TACC2: variants seen among roughly 807,000 people sequenced by gnomAD.
TACC2 encodes the protein transforming acidic coiled-coil containing protein 2.
A neutral mutation model predicts 227.3 loss-of-function variants in TACC2; 137 were observed. The ratio of observed to expected loss-of-function variants is 0.60; its 90% CI spans 0.52 to 0.69. The LOEUF is 0.69. Ranked by LOEUF, TACC2 falls within the 30% of genes least tolerant of loss-of-function variation. TACC2 has a pLI of 0.00. For missense variants in TACC2, 3,470 were observed against 3,694.4 expected (o/e 0.94, Z 1.57); for synonymous variants, 1,523 against 1,487.5 (o/e 1.02, Z -0.55).
At chr10:122,248,454 G>A in intron 19 of TACC2, 189 bp from the exon 20 acceptor site, 1 of 652,614 alleles carries the variant, frequency 1.5e-6, no homozygotes, top group South Asian at 2.0e-5. Flanking sequence ...GGGAAGCCAG[G>A]GCTCTGGTTT....
chr10:122,216,537 C>A, intron 10 of TACC2, 90 bp from the exon 11 acceptor site: 1 of 1,356,132 alleles, frequency 7.4e-7, no homozygotes, highest in Non-Finnish European at 1.0e-6. Flanking sequence ...CGGGACCTGT[C>A]CTGGCTAATG....
rs1565248544 is a variant in TACC2, at chr10:122,084,473, G to A, written c.1973G>A (p.Gly658Asp). The change falls in exon 4 of 23, where the codon GGC becomes GAC. Residue 658 changes from glycine (G) to aspartate (D), a missense_variant. Around this residue, in one of 10 missense-constraint regions of TACC2, gnomAD observed 1,924 missense variants for 1,978.3 expected, o/e 0.97. Coordinates refer to ENST00000369005, the MANE Select transcript of TACC2 (RefSeq NM_206862.4). ...HSQTAEADASGLPHKLGEEDP... is the reference protein window; with the variant it reads ...HSQTAEADASDLPHKLGEEDP... Reference sequence around the variant, plus strand: ...CAGACAGCAGAGGCTGATGCATCTGGCCTACCACACAAGCTGGGTGAGGAG... The same window carrying A: ...CAGACAGCAGAGGCTGATGCATCTGACCTACCACACAAGCTGGGTGAGGAG... 1 of 1,613,086 alleles carries A rather than the reference G, an allele frequency of 6.2e-7. No homozygotes were observed. The highest frequency in any genetic ancestry group is 8.5e-7 in the Non-Finnish European group (1 of 1,180,004).
chr10:122,202,834 A>C (rs2094918833), intron 8 of TACC2, among the ~76,000 whole-genome samples: 1 of 150,738 alleles, frequency 6.6e-6, no homozygotes. Flanking sequence ...GTCCCTGGGT[A>C]CTTGAGATTA....
intron 5 of TACC2, among the ~76,000 whole-genome samples, chr10:122,128,668 T>C (rs1009522156): frequency 6.6e-6 from 1 of 152,246 alleles, no homozygotes. Flanking sequence ...TGGAAGTTGT[T>C]CCCTGGCACT....
At chr10:122,198,963 A>G (rs1384228104) in intron 8 of TACC2, among the ~76,000 whole-genome samples, 1 of 152,242 alleles carries the variant, frequency 6.6e-6, no homozygotes, top group Non-Finnish European at 1.5e-5. Flanking sequence ...TGGGGGCGAC[A>G]TGGCAGGAGA....
chr10:122,076,439 C>G lies in TACC2; in HGVS notation c.147-6208C>G, dbSNP rs79831729. ...GAAAACATTCATTCAATCCATTGCACTAACCCACTGGCTTTCATTCTACCC... is the reference window on the plus strand; with the variant it reads ...GAAAACATTCATTCAATCCATTGCAGTAACCCACTGGCTTTCATTCTACCC... On this transcript the variant is annotated intron_variant, in intron 3 of 22. Transcript: ENST00000369005. Among the ~76,000 whole-genome samples, 10 of 152,308 alleles carry G rather than the reference C, an allele frequency of 6.6e-5. No individual in the cohort carries two copies. In the East Asian group the frequency reaches 1.7e-3, roughly 26 times the overall value.
chr10:122,076,291 T>C (rs1218617355), intron 3 of TACC2, among the ~76,000 whole-genome samples: 1 of 152,196 alleles, frequency 6.6e-6, no homozygotes, highest in East Asian at 1.9e-4. Flanking sequence ...CAGTAATCCA[T>C]GAATGGATTA....
intron 3 of TACC2, among the ~76,000 whole-genome samples, chr10:122,076,112 G>A (rs554278317): frequency 2.0e-5 from 3 of 152,094 alleles, no homozygotes; most frequent in South Asian, 2.1e-4. Context: ...GATTTCTTAC[G>A]GTTATGGAGG....
chr10:122,187,426 C>T (rs1393480193), intron 7 of TACC2, among the ~76,000 whole-genome samples: 8 of 152,224 alleles, frequency 5.3e-5, no homozygotes. Flanking sequence ...GCAGCTTTGA[C>T]CAAGTAAAAT....
intron 7 of TACC2, among the ~76,000 whole-genome samples, chr10:122,192,280 T>A (rs1054371064): frequency 6.6e-6 from 1 of 152,154 alleles, no homozygotes; most frequent in Non-Finnish European, 1.5e-5. Context: ...CACAGGGCGA[T>A]CGTGAACGGC....
chr10:122,136,957 C>T (rs543377844), intron 6 of TACC2, among the ~76,000 whole-genome samples: 22 of 152,320 alleles, frequency 1.4e-4, no homozygotes, highest in Admixed American at 1.2e-3. Context: ...ACTCCTCCTT[C>T]CCTGTTGCCT....
At chr10:122,132,871 G>A in intron 6 of TACC2, 137 bp downstream of exon 6, 1 of 870,032 alleles carries the variant, frequency 1.1e-6, no homozygotes, top group Admixed American at 2.3e-5. Context: ...CACACACAGG[G>A]TGTGCACACC....
At chr10:122,060,010 A>T (rs980008685) in intron 3 of TACC2, among the ~76,000 whole-genome samples, 2 of 152,188 alleles carry the variant, frequency 1.3e-5, no homozygotes, top group African/African-American at 4.8e-5. Context: ...AGATGGCCAG[A>T]GAAGGAGGTG....
At chr10:122,176,211 A>G (rs1391982643) in intron 7 of TACC2, among the ~76,000 whole-genome samples, 1 of 151,362 alleles carries the variant, frequency 6.6e-6, no homozygotes, top group African/African-American at 2.4e-5. Context: ...GTGGCTGCAG[A>G]TGAAGATTGG....
intron 7 of TACC2, among the ~76,000 whole-genome samples, chr10:122,182,093 T>C (rs2093988719): frequency 1.3e-5 from 2 of 152,332 alleles, no homozygotes; most frequent in South Asian, 2.1e-4. Context: ...CAAATCATGA[T>C]TGAGACTCGT....
At chr10:122,252,420 A>G (rs2096269557) in intron 22 of TACC2, among the ~76,000 whole-genome samples, 2 of 151,612 alleles carry the variant, frequency 1.3e-5, no homozygotes, top group Non-Finnish European at 2.9e-5. Context: ...CACGGTGGGC[A>G]CTCCAATAAG....
chr10:122,026,124 C>T lies in TACC2; in HGVS notation c.33+4110C>T, dbSNP rs1957965646. On this transcript the variant is annotated intron_variant, in intron 2 of 22. Transcript: ENST00000369005. ...ATGAGGTCAGGAGATGGAGACCATCCTGGCTAACACGGTGAAACCCCGTCT... is the reference window on the plus strand; with the variant it reads ...ATGAGGTCAGGAGATGGAGACCATCTTGGCTAACACGGTGAAACCCCGTCT... Among the ~76,000 whole-genome samples, 3 of 146,206 alleles carry T rather than the reference C, an allele frequency of 2.1e-5. No homozygotes were observed. The Admixed American group carries it at 2.1e-4, about 10-fold the overall frequency.
intron 5 of TACC2, chr10:122,127,115 G>T: frequency 5.9e-6 from 1 of 168,452 alleles, no homozygotes; most frequent in South Asian, 1.7e-4. Context: ...CTGGTGCCTT[G>T]ATCTTGGACT....
intron 2 of TACC2, among the ~76,000 whole-genome samples, chr10:122,032,011 G>A (rs558226908): frequency 6.6e-6 from 1 of 152,228 alleles, no homozygotes; most frequent in South Asian, 2.1e-4. Context: ...CCTGGCCTCA[G>A]CCTTCTGATC....
Sources: gnomAD v4.1 joint callset for allele counts (sites outside exome capture counted in the v4.1 genomes callset) on GRCh38, gnomAD v4.1.1 for gene constraint, gnomAD v4.1.1 regional missense constraint, MANE v1.5 for transcripts, NCBI Gene and HGNC (gene_info 2026-07-23, HGNC 2026-07-21) for gene names.